The following CYP7B1 variants were observed in gnomAD, a reference collection of about 807,000 sequenced individuals.
CYP7B1 encodes cytochrome P450 7B1.
CYP7B1 carries 29 observed loss-of-function variants against 42.7 expected under a neutral mutation model. The ratio of observed to expected loss-of-function variants is 0.68; its 90% CI spans 0.51 to 0.93. The LOEUF (loss-of-function observed/expected upper bound fraction) is 0.93. Among genes scored for constraint, CYP7B1 ranks in the 40% least tolerant of loss-of-function variants. The pLI, the probability that CYP7B1 is intolerant of heterozygous loss-of-function variation, is 0.00. For synonymous variants in CYP7B1, 235 were observed against 218.2 expected, an observed-to-expected ratio of 1.08 and a Z score of -0.68; for missense variants, 655 against 600.5, an observed-to-expected ratio of 1.09 and a Z score of -0.95.
chr8:64,747,573 GA>G (rs1563413571), intron 1 of CYP7B1, among the ~76,000 whole-genome samples: 1 of 151,816 alleles, frequency 6.6e-6, no homozygotes, highest in South Asian at 2.1e-4. Context: ...GGAGGATGAG[GA>G]AGAGGAGGGG....
intron 1 of CYP7B1, among the ~76,000 whole-genome samples, chr8:64,771,963 C>T (rs758319885): frequency 2.6e-5 from 4 of 152,214 alleles, no homozygotes; most frequent in Non-Finnish European, 4.4e-5. Context: ...TTCACTCATC[C>T]ACTTTCCTGG....
In CYP7B1 at chr8:64,722,171, T is replaced by G. The variant is rs111588187; in HGVS notation, c.122+76295A>C. On this transcript the variant is annotated intron_variant, in intron 1 of 5. Transcript: ENST00000310193. ...TCCTGAAAGTGAAGTTCCTTTTGCATCTTACGCAGCAAAACTAGTTTATAA... is the reference window on the plus strand; with the variant it reads ...TCCTGAAAGTGAAGTTCCTTTTGCAGCTTACGCAGCAAAACTAGTTTATAA... Among the ~76,000 whole-genome samples the G allele has an allele frequency of 1.1e-4, 17 of 152,286 alleles. 2 individuals are homozygous for G. The highest frequency in any genetic ancestry group is 4.1e-4 in the African/African-American group (17 of 41,570).
intron 1 of CYP7B1, among the ~76,000 whole-genome samples, chr8:64,736,825 A>C (rs1437353428): frequency 6.6e-6 from 1 of 152,038 alleles, no homozygotes; most frequent in Non-Finnish European, 1.5e-5. Context: ...CATTTTACCA[A>C]ATCCATATCT....
intron 1 of CYP7B1, among the ~76,000 whole-genome samples, chr8:64,641,557 T>C (rs982767596): frequency 9.9e-5 from 15 of 152,258 alleles, no homozygotes; most frequent in Admixed American, 8.5e-4. Context: ...ACTAATTCTT[T>C]CCAAAATCTC....
At chr8:64,624,951 CTTTTTTTTTT>C (rs71260892) in intron 1 of CYP7B1, among the ~76,000 whole-genome samples, 16 of 54,046 alleles carry the variant, frequency 3.0e-4, no homozygotes, top group African/African-American at 7.3e-4. Flanking sequence ...TTATATCATT[CTTTTTTTTTT>C]TTTTTTTTTT....
chr8:64,769,389 C>T (rs1405523467), intron 1 of CYP7B1, among the ~76,000 whole-genome samples: 1 of 152,050 alleles, frequency 6.6e-6, no homozygotes, highest in African/African-American at 2.4e-5. Context: ...CCTTGGCACA[C>T]GAGCATGTTT....
intron 5 of CYP7B1, among the ~76,000 whole-genome samples, chr8:64,598,550 C>T (rs894587251): frequency 4.6e-5 from 7 of 152,110 alleles, no homozygotes; most frequent in Non-Finnish European, 1.0e-4. Context: ...AGCCAGCAAA[C>T]GCAAAATGAA....
At chr8:64,744,360 T>C (rs963815181) in intron 1 of CYP7B1, among the ~76,000 whole-genome samples, 1 of 152,146 alleles carries the variant, frequency 6.6e-6, no homozygotes, top group Admixed American at 6.6e-5. Flanking sequence ...TCTTTTTTTT[T>C]TCCTTTTCTC....
chr8:64,604,584 C>T, intron 5 of CYP7B1, 98 bp downstream of exon 5: 2 of 1,443,684 alleles, frequency 1.4e-6, no homozygotes, highest in African/African-American at 1.4e-5. Context: ...CCTCAAACCC[C>T]TTCTGGACCA....
intron 1 of CYP7B1, among the ~76,000 whole-genome samples, chr8:64,784,214 AG>A (rs1804482325): frequency 2.0e-5 from 3 of 152,188 alleles, no homozygotes; most frequent in Admixed American, 1.3e-4. Flanking sequence ...CATGCTGAAT[AG>A]GTAACTGATA....
At chr8:64,716,533 C>T (rs2129632777) in intron 1 of CYP7B1, among the ~76,000 whole-genome samples, 1 of 152,040 alleles carries the variant, frequency 6.6e-6, no homozygotes, top group African/African-American at 2.4e-5. Flanking sequence ...ATGGTGAAAC[C>T]CCATCTCTAC....
chr8:64,631,869 G>T lies in CYP7B1; in HGVS notation c.123-7330C>A, dbSNP rs968835915. On this transcript the variant is annotated intron_variant, in intron 1 of 5. Transcript: ENST00000310193. ...TGCAAATTAAATTCACAATGAGATA[G>T]CACCTCATACCTGTCAGGATGACTA... 4.0e-5 allele frequency among the ~76,000 whole-genome samples: 6 copies of T among 149,086 alleles called. No homozygotes were observed. In the Admixed American group the frequency reaches 4.1e-4, roughly 10 times the overall value.
At chr8:64,644,930 TC>T (rs1454493542) in intron 1 of CYP7B1, among the ~76,000 whole-genome samples, 1 of 120,494 alleles carries the variant, frequency 8.3e-6, no homozygotes, top group Middle Eastern at 4.0e-3. Flanking sequence ...CCCACAACAG[TC>T]CCCAGAGTGT....
chr8:64,777,143 G>A (rs1804339148), intron 1 of CYP7B1, among the ~76,000 whole-genome samples: 1 of 138,274 alleles, frequency 7.2e-6, no homozygotes, highest in Admixed American at 7.5e-5. Context: ...GATCCATCAT[G>A]TAAAAAGTAA....
At chr8:64,672,557 G>C (rs776712254) in intron 1 of CYP7B1, among the ~76,000 whole-genome samples, 1 of 152,192 alleles carries the variant, frequency 6.6e-6, no homozygotes, top group Non-Finnish European at 1.5e-5. Flanking sequence ...CTTCCTATCT[G>C]ATGTGTGTGT....
At chr8:64,627,842 A>T (rs1805631164) in intron 1 of CYP7B1, among the ~76,000 whole-genome samples, 2 of 152,234 alleles carry the variant, frequency 1.3e-5, no homozygotes, top group Non-Finnish European at 2.9e-5. Flanking sequence ...CCCATTGAAG[A>T]TAGATAACAG....
rs200690520 is a variant in CYP7B1, at chr8:64,615,804, A to G, written c.737T>C (p.Ile246Thr). The change falls in exon 3 of 6, where the codon ATA becomes ACA. Residue 246 changes from isoleucine (I) to threonine (T), a missense_variant. Ile to Thr is a moderately conservative substitution (Grantham distance 89). Coordinates refer to ENST00000310193, the MANE Select transcript of CYP7B1 (RefSeq NM_004820.5). Reference sequence around the variant, plus strand: ...TAACTTTTCTGATGAGAAGCATTTTATAATTTTCTCTCTAATAGACTTGAC... The same window carrying G: ...TAACTTTTCTGATGAGAAGCATTTTGTAATTTTCTCTCTAATAGACTTGAC... ...GNVKSIREKI[I>T]KCFSSEKLAK... 1 of 1,613,800 alleles carries G rather than the reference A, an allele frequency of 6.2e-7. No individual in the cohort carries two copies. The highest frequency in any genetic ancestry group is 2.2e-5 in the East Asian group (1 of 44,864).
chr8:64,663,788 C>A lies in CYP7B1; in HGVS notation c.123-39249G>T, dbSNP rs75932024. Among the ~76,000 whole-genome samples, 53 of 152,258 alleles carry A rather than the reference C, an allele frequency of 3.5e-4. 1 individual carries two copies. In the East Asian group the frequency reaches 9.5e-3, roughly 27 times the overall value. ...GCTCTCTTCATTCTTTCTCTAAGGA[C>A]CAAAAATTTCATTTCTGTCCACTCT... On this transcript the variant is annotated intron_variant, in intron 1 of 5. Transcript: ENST00000310193.
At chr8:64,660,039 T>C (rs975154609) in intron 1 of CYP7B1, among the ~76,000 whole-genome samples, 1 of 152,202 alleles carries the variant, frequency 6.6e-6, no homozygotes, top group Non-Finnish European at 1.5e-5. Context: ...CTAATATTCA[T>C]TGAGTACTTG....
Sources: allele counts gnomAD v4.1 joint callset (sites outside exome capture counted in the v4.1 genomes callset), GRCh38; gene constraint gnomAD v4.1.1; transcripts MANE v1.5; gene names NCBI Gene and HGNC (gene_info 2026-07-23, HGNC 2026-07-21).